RIC1: variants seen among roughly 807,000 people sequenced by gnomAD.
RIC1 encodes RIC1 partner of RAB6A GEF complex.
Under a neutral mutation model 169.0 loss-of-function variants are expected in RIC1, and 88 were observed. The ratio of observed to expected loss-of-function variants is 0.52; its 90% confidence interval spans 0.44 to 0.62. The LOEUF (loss-of-function observed/expected upper bound fraction) is 0.62. Ranked by LOEUF, RIC1 falls within the 20% of genes least tolerant of loss-of-function variation. The pLI, the probability that RIC1 is intolerant of heterozygous loss-of-function variation, is 0.00. For missense variants in RIC1, 1,877 were observed against 1,725.5 expected, an observed-to-expected ratio of 1.09 and a Z score of -1.56; for synonymous variants, 790 against 601.5, an observed-to-expected ratio of 1.31 and a Z score of -4.59.
Position 5,738,519 on chromosome 9 carries a change from A to T in RIC1, c.882A>T (p.Leu294=). ...GAMLLSHKLE[L]TAKQYPDIWN... is the part of the protein sequence containing the mutation. ...TGCTGCTATCTCATAAATTAGAGCTAACAGCAAAACAGTATCCTGGTGAGT... is the reference window on the plus strand; with the variant it reads ...TGCTGCTATCTCATAAATTAGAGCTTACAGCAAAACAGTATCCTGGTGAGT... The change falls in exon 8 of 26, where the codon CTA becomes CTT. Residue 294 remains leucine, a synonymous_variant. Coordinates refer to ENST00000414202, the MANE Select transcript of RIC1 (RefSeq NM_020829.4). 1.9e-6 allele frequency: 3 copies of T among 1,584,540 alleles called. No homozygotes were observed. Among genetic ancestry groups the T allele is most frequent in the South Asian group, 2.3e-5 (2 of 87,378 alleles).
chr9:5,774,466 A>G lies in RIC1; in HGVS notation c.*220A>G. On this transcript the variant is annotated 3_prime_UTR_variant, in exon 26 of 26. Transcript: ENST00000414202. ...CATAAAAAAATTTTAAGCTGCAGTGAAAAGTAAATATTGTACAGATGTACA... is the reference window on the plus strand; with the variant it reads ...CATAAAAAAATTTTAAGCTGCAGTGGAAAGTAAATATTGTACAGATGTACA... The G allele has an allele frequency of 6.9e-6, 3 of 432,356 alleles. No individual in the cohort carries two copies. In the East Asian group the frequency reaches 1.0e-4, roughly 15 times the overall value. The allele number at this position is 432,356 out of a possible 1,614,324, so 26.8% of individuals were successfully genotyped here. A position where few individuals can be genotyped will look rare whatever the true frequency, so the allele number is the denominator to read the frequency against.
intron 2 of RIC1, among the ~76,000 whole-genome samples, chr9:5,684,582 T>C (rs1390781012): frequency 1.3e-5 from 2 of 152,326 alleles, no homozygotes; most frequent in East Asian, 3.9e-4. Context: ...GATTTTTCTA[T>C]ATTTGTCTTG....
chr9:5,695,015 G>C (rs1453489065), intron 3 of RIC1, among the ~76,000 whole-genome samples: 1 of 152,118 alleles, frequency 6.6e-6, no homozygotes, highest in Non-Finnish European at 1.5e-5. Context: ...CTAGTAGAGG[G>C]TGATAAGTAA....
chr9:5,649,660 G>A (rs948199894), intron 1 of RIC1, among the ~76,000 whole-genome samples: 19 of 150,822 alleles, frequency 1.3e-4, no homozygotes, highest in African/African-American at 4.4e-4. Context: ...TCCTGTTGCT[G>A]GCATTTCATA....
intron 2 of RIC1, among the ~76,000 whole-genome samples, chr9:5,658,830 T>G (rs1819269755): frequency 6.6e-6 from 1 of 151,862 alleles, no homozygotes; most frequent in African/African-American, 2.4e-5. Context: ...TTTTTGTTTT[T>G]TTTTTTACCG....
intron 1 of RIC1, among the ~76,000 whole-genome samples, chr9:5,631,050 A>G (rs571390556): frequency 2.6e-4 from 39 of 152,346 alleles, no homozygotes; most frequent in Non-Finnish European, 5.1e-4. Context: ...AAAGTAAACA[A>G]TATGACCTAT....
At chr9:5,716,030 G>A (rs1332827568) in intron 4 of RIC1, among the ~76,000 whole-genome samples, 1 of 152,006 alleles carries the variant, frequency 6.6e-6, no homozygotes, top group Non-Finnish European at 1.5e-5. Context: ...TTATTGTAGA[G>A]ACAAGGTTTC....
In RIC1 at chr9:5,768,976, C is replaced by T; in HGVS notation, c.3144C>T (p.Ser1048=). Residue 1048 remains serine (S), a synonymous_variant, in exon 22 of 26, where the codon AGC becomes AGT. Coordinates refer to ENST00000414202, the MANE Select transcript of RIC1 (RefSeq NM_020829.4). ...CTTGTGTTTCCACTTACAGATGGAG[C>T]AAAGACAGTGACTGTGCTGAGAACA... ...MPSGPSGKRW[S]KDSDCAENMY... is the part of the protein sequence containing the mutation. 1 of 1,605,364 alleles carries T rather than the reference C, an allele frequency of 6.2e-7. No individual in the cohort carries two copies. Among genetic ancestry groups the T allele is most frequent in the East Asian group, 2.2e-5 (1 of 44,778 alleles).
intron 21 of RIC1, among the ~76,000 whole-genome samples, chr9:5,766,168 A>G (rs1050381320): frequency 5.3e-5 from 8 of 152,138 alleles, no homozygotes; most frequent in Non-Finnish European, 1.0e-4. Flanking sequence ...CAGCCACCCA[A>G]GTAGCTGGGA....
At position 5,655,428 on chromosome 9, in the gene RIC1, A is replaced by G. The variant is rs534045906; in HGVS notation, c.145-1155A>G. Among the ~76,000 whole-genome samples the G allele has an allele frequency of 7.2e-5, 11 of 151,928 alleles. No individual in the cohort carries two copies. The South Asian group carries it at 2.3e-3, about 32-fold the overall frequency. ...TGATTCTCCTGCCTCAGCCTCCCAA[A>G]TAGCTGGCATTATAGGCGCCTGCCA... On this transcript the variant is annotated intron_variant, in intron 1 of 25. Coordinates refer to ENST00000414202, the MANE Select transcript of RIC1 (RefSeq NM_020829.4).
intron 6 of RIC1, among the ~76,000 whole-genome samples, chr9:5,729,133 G>C (rs970693856): frequency 6.6e-6 from 1 of 152,194 alleles, no homozygotes; most frequent in African/African-American, 2.4e-5. Context: ...AGTTACAGAA[G>C]AGTTAAGCTA....
chr9:5,656,764 A>G (rs1819124910), intron 2 of RIC1, 74 bp downstream of exon 2: 4 of 870,376 alleles, frequency 4.6e-6, no homozygotes, highest in African/African-American at 3.4e-5. Context: ...ATTCTCTTAG[A>G]TGACTTTCTT....
At chr9:5,630,632 C>T (rs930675039) in intron 1 of RIC1, among the ~76,000 whole-genome samples, 4 of 152,156 alleles carry the variant, frequency 2.6e-5, no homozygotes, top group Non-Finnish European at 5.9e-5. Context: ...TATTTGCCAT[C>T]AAGTTTTGGC....
At chr9:5,639,153 C>T (rs1243859876) in intron 1 of RIC1, among the ~76,000 whole-genome samples, 1 of 152,132 alleles carries the variant, frequency 6.6e-6, no homozygotes, top group Non-Finnish European at 1.5e-5. Flanking sequence ...GCAATCTGCC[C>T]ACCTCGGCTC....
At chr9:5,682,803 A>G (rs1274340524) in intron 2 of RIC1, among the ~76,000 whole-genome samples, 1 of 152,178 alleles carries the variant, frequency 6.6e-6, no homozygotes, top group African/African-American at 2.4e-5. Context: ...AGGTACACCA[A>G]TCAGACATAG....
At chr9:5,653,059 A>T (rs1409761446) in intron 1 of RIC1, among the ~76,000 whole-genome samples, 1 of 152,156 alleles carries the variant, frequency 6.6e-6, no homozygotes, top group African/African-American at 2.4e-5. Context: ...GTCCTACTTG[A>T]TCATGATGAA....
chr9:5,656,670 A>C lies in RIC1; in HGVS notation c.232A>C (p.Ser78Arg). 6.2e-7 allele frequency: 1 copy of C among 1,602,660 alleles called. No individual in the cohort carries two copies. The highest frequency in any genetic ancestry group is 8.5e-7 in the Non-Finnish European group (1 of 1,171,552). ...SYKQAEWRPD[S>R]TMIAVSTANG... ...CAAGCAAGCTGAATGGAGGCCAGAT[A>C]GTACCATGATAGCTGTATCAGTAAG... Residue 78 changes from serine (S) to arginine (R), a missense_variant, in exon 2 of 26, where the codon AGT (serine) becomes CGT (arginine). Transcript: ENST00000414202.
At chr9:5,640,264 G>A (rs141448451) in intron 1 of RIC1, among the ~76,000 whole-genome samples, 1 of 152,180 alleles carries the variant, frequency 6.6e-6, no homozygotes, top group African/African-American at 2.4e-5. Context: ...TGTGAGACTT[G>A]CAAGTACTGT....
chr9:5,660,218 G>A (rs909538896), intron 2 of RIC1, among the ~76,000 whole-genome samples: 6 of 152,156 alleles, frequency 3.9e-5, no homozygotes, highest in Non-Finnish European at 8.8e-5. Context: ...GTATTCCATC[G>A]TGTATATGTA....
Sources: gnomAD v4.1 joint callset for allele counts (sites outside exome capture counted in the v4.1 genomes callset) on GRCh38, gnomAD v4.1.1 for gene constraint, MANE v1.5 for transcripts, NCBI Gene and HGNC (gene_info 2026-07-23, HGNC 2026-07-21) for gene names.